GRIK1: variants seen among roughly 807,000 people sequenced by gnomAD.
The protein encoded by GRIK1 is glutamate receptor ionotropic, kainate 1.
In GRIK1, 69 loss-of-function variants were observed where a neutral mutation model predicts 105.7. The ratio of observed to expected loss-of-function variants is 0.65; its 90% CI spans 0.54 to 0.80. GRIK1 has a LOEUF of 0.80. Ranked by LOEUF, GRIK1 falls within the 30% of genes least tolerant of loss-of-function variation. GRIK1 has a pLI of 0.00. For missense variants in GRIK1, 1,109 were observed against 1,167.3 expected, an observed-to-expected ratio of 0.95 and a Z score of 0.73; for synonymous variants, 438 against 431.3, an observed-to-expected ratio of 1.02 and a Z score of -0.19.
chr21:29,730,641 C>T (rs1362122809), intron 1 of GRIK1, among the ~76,000 whole-genome samples: 1 of 152,124 alleles, frequency 6.6e-6, no homozygotes, highest in Admixed American at 6.6e-5. Flanking sequence ...CTAATTTCTT[C>T]TAGTTTTATT....
At chr21:29,917,028 C>T (rs967815456) in intron 1 of GRIK1, among the ~76,000 whole-genome samples, 2 of 151,944 alleles carry the variant, frequency 1.3e-5, no homozygotes, top group African/African-American at 4.8e-5. Context: ...GTGTTTTTCT[C>T]GAAATCAACA....
At chr21:29,830,898 A>G (rs1277399461) in intron 1 of GRIK1, among the ~76,000 whole-genome samples, 2 of 152,152 alleles carry the variant, frequency 1.3e-5, no homozygotes, top group Non-Finnish European at 2.9e-5. Flanking sequence ...AATGACAAAA[A>G]TATATTAATG....
chr21:29,746,418 G>T (rs1220903383), intron 1 of GRIK1, among the ~76,000 whole-genome samples: 1 of 152,248 alleles, frequency 6.6e-6, no homozygotes, highest in Admixed American at 6.5e-5. Context: ...GATCTGATAA[G>T]TGATTTAATC....
At chr21:29,702,965 T>C (rs1282476472) in intron 1 of GRIK1, among the ~76,000 whole-genome samples, 1 of 152,220 alleles carries the variant, frequency 6.6e-6, no homozygotes, top group African/African-American at 2.4e-5. Flanking sequence ...AGGAAACTAA[T>C]GCAGCATCTC....
chr21:29,885,255 A>G (rs1230120902), intron 1 of GRIK1, among the ~76,000 whole-genome samples: 2 of 152,022 alleles, frequency 1.3e-5, no homozygotes, highest in Non-Finnish European at 2.9e-5. Context: ...TGGACGTTGT[A>G]TGGTTAAATA....
intron 6 of GRIK1, among the ~76,000 whole-genome samples, chr21:29,645,967 G>A (rs56690171): frequency 0.05 from 7,591 of 152,218 alleles, 633 homozygotes; most frequent in African/African-American, 0.17. Context: ...TAACTCACTA[G>A]GCTTAGGGTA....
intron 7 of GRIK1, among the ~76,000 whole-genome samples, chr21:29,616,097 CT>C (rs2061844568): frequency 6.6e-6 from 1 of 152,200 alleles, no homozygotes; most frequent in Admixed American, 6.5e-5. Context: ...TAACACTGCA[CT>C]TTCGAAAGTT....
intron 1 of GRIK1, among the ~76,000 whole-genome samples, chr21:29,726,538 C>G (rs2064467414): frequency 1.3e-5 from 2 of 152,146 alleles, no homozygotes; most frequent in African/African-American, 4.8e-5. Context: ...AGACATAACT[C>G]TGCTTAATAT....
At chr21:29,608,092 T>C (rs1324188636) in intron 7 of GRIK1, among the ~76,000 whole-genome samples, 1 of 152,160 alleles carries the variant, frequency 6.6e-6, no homozygotes, top group East Asian at 1.9e-4. Context: ...TGTCTGCTTA[T>C]ACCTATAAAT....
intron 1 of GRIK1, among the ~76,000 whole-genome samples, chr21:29,827,407 C>T (rs574320782): frequency 7.9e-5 from 12 of 152,148 alleles, no homozygotes; most frequent in East Asian, 5.8e-4. Context: ...GATGAGTCAA[C>T]GGCAAGTCAT....
At chr21:29,706,722 C>T (rs2063915781) in intron 1 of GRIK1, among the ~76,000 whole-genome samples, 1 of 152,190 alleles carries the variant, frequency 6.6e-6, no homozygotes, top group Non-Finnish European at 1.5e-5. Context: ...ACAGAGGGAT[C>T]TGTGTTAGGA....
At chr21:29,793,768 A>G (rs2066486519) in intron 1 of GRIK1, among the ~76,000 whole-genome samples, 1 of 152,236 alleles carries the variant, frequency 6.6e-6, no homozygotes, top group South Asian at 2.1e-4. Context: ...CATTAAATAA[A>G]GGCTCAGAAA....
intron 1 of GRIK1, among the ~76,000 whole-genome samples, chr21:29,841,226 AAT>A (rs1310112890): frequency 6.6e-6 from 1 of 152,176 alleles, no homozygotes; most frequent in Non-Finnish European, 1.5e-5. Flanking sequence ...ATAGAAAATC[AAT>A]ATGTCTTTAT....
chr21:29,723,480 G>A (rs1294997707), intron 1 of GRIK1, among the ~76,000 whole-genome samples: 1 of 152,174 alleles, frequency 6.6e-6, no homozygotes, highest in African/African-American at 2.4e-5. Flanking sequence ...TCTCTCATGA[G>A]AGGAATCACA....
chr21:29,642,038 C>T (rs774841487), intron 7 of GRIK1, among the ~76,000 whole-genome samples: 7 of 152,168 alleles, frequency 4.6e-5, no homozygotes, highest in African/African-American at 1.2e-4. Context: ...ATTAGAATAG[C>T]ATCTCAGAGC....
At chr21:29,755,277 C>T (rs1235901977) in intron 1 of GRIK1, among the ~76,000 whole-genome samples, 2 of 152,158 alleles carry the variant, frequency 1.3e-5, no homozygotes, top group African/African-American at 4.8e-5. Context: ...ACTTAGAAAG[C>T]CTAGCCTTGA....
rs1000902311 is a variant in GRIK1, at chr21:29,551,473, A to G, written c.2607+3579T>C. ...AAATTTTCTTCTGCTTCTAAAATCT[A>G]TAACTACAGGTCGATGATGGATATC... On this transcript the variant is annotated intron_variant, in intron 16 of 17. Transcript: ENST00000327783. Among the ~76,000 whole-genome samples the G allele has an allele frequency of 5.9e-5, 9 of 152,188 alleles. No homozygotes were observed. In the East Asian group the frequency reaches 1.5e-3, roughly 26 times the overall value.
chr21:29,709,084 A>G (rs560246559), intron 1 of GRIK1, among the ~76,000 whole-genome samples: 1 of 152,156 alleles, frequency 6.6e-6, no homozygotes, highest in South Asian at 2.1e-4. Context: ...ATACACCTAC[A>G]CACATATATG....
chr21:29,834,998 T>G (rs2067748982), intron 1 of GRIK1, among the ~76,000 whole-genome samples: 1 of 152,078 alleles, frequency 6.6e-6, no homozygotes, highest in Non-Finnish European at 1.5e-5. Flanking sequence ...TCACACTCAG[T>G]CTTCCTGTGG....
Sources: gnomAD v4.1 joint callset for allele counts (sites outside exome capture counted in the v4.1 genomes callset) on GRCh38, gnomAD v4.1.1 for gene constraint, MANE v1.5 for transcripts, NCBI Gene and HGNC (gene_info 2026-07-23, HGNC 2026-07-21) for gene names.